SSBP2: variants seen among roughly 807,000 people sequenced by gnomAD.
SSBP2 encodes single-stranded DNA-binding protein 2.
SSBP2 carries 17 observed loss-of-function variants against 61.8 expected under a neutral mutation model. The ratio of observed to expected loss-of-function variants is 0.28; its 90% CI spans 0.19 to 0.41. The LOEUF (loss-of-function observed/expected upper bound fraction) is 0.41. SSBP2 is among the 10% of genes least tolerant of loss of function. The pLI, the probability that SSBP2 is intolerant of heterozygous loss-of-function variation, is 1.00. For missense variants in SSBP2, 310 were observed against 458.7 expected, an observed-to-expected ratio of 0.68 and a Z score of 2.96; for synonymous variants, 139 against 141.3, an observed-to-expected ratio of 0.98 and a Z score of 0.12.
chr5:81,543,362 T>A (rs1039977424), intron 4 of SSBP2, among the ~76,000 whole-genome samples: 1 of 152,226 alleles, frequency 6.6e-6, no homozygotes, highest in African/African-American at 2.4e-5. Flanking sequence ...GCAACATGGA[T>A]GCAGCTGGAG....
intron 5 of SSBP2, among the ~76,000 whole-genome samples, chr5:81,492,159 C>G (rs1766903251): frequency 6.6e-6 from 1 of 152,178 alleles, no homozygotes; most frequent in South Asian, 2.1e-4. Flanking sequence ...TATCTATTGA[C>G]AGACATGTCA....
intron 3 of SSBP2, among the ~76,000 whole-genome samples, chr5:81,630,728 T>G (rs1581208365): frequency 6.7e-6 from 1 of 150,102 alleles, no homozygotes; most frequent in African/African-American, 2.5e-5. Context: ...AAATGGCACA[T>G]TTAAAAGCTG....
intron 1 of SSBP2, among the ~76,000 whole-genome samples, chr5:81,675,622 T>C (rs1450128532): frequency 1.3e-5 from 2 of 152,212 alleles, no homozygotes; most frequent in African/African-American, 4.8e-5. Flanking sequence ...TTTTTTGTTA[T>C]ATGCAACCTA....
At chr5:81,492,808 A>G (rs1766959012) in intron 5 of SSBP2, among the ~76,000 whole-genome samples, 1 of 152,178 alleles carries the variant, frequency 6.6e-6, no homozygotes. Context: ...AGTTTTCTCA[A>G]CCTTAAAATG....
intron 1 of SSBP2, among the ~76,000 whole-genome samples, chr5:81,700,225 G>C (rs1036509716): frequency 2.0e-5 from 3 of 152,166 alleles, no homozygotes; most frequent in African/African-American, 7.2e-5. Context: ...TGTTGTATTA[G>C]TAGGCAGGGA....
At chr5:81,519,361 C>T (rs1250817910) in intron 4 of SSBP2, among the ~76,000 whole-genome samples, 2 of 152,108 alleles carry the variant, frequency 1.3e-5, no homozygotes, top group South Asian at 4.1e-4. Flanking sequence ...CATATATACA[C>T]TACTTTTACA....
chr5:81,693,821 T>C lies in SSBP2; in HGVS notation c.63-43482A>G, dbSNP rs1036168879. On this transcript the variant is annotated intron_variant, in intron 1 of 16. Coordinates refer to ENST00000320672, the MANE Select transcript of SSBP2 (RefSeq NM_012446.5). ...ACTACCATATGATCCAGCAATCCCA[T>C]TGCTAGGTATACACCCAAAAGAAAG... 1.3e-4 allele frequency among the ~76,000 whole-genome samples: 20 copies of C among 152,156 alleles called. 1 individual carries two copies. Among genetic ancestry groups the C allele is most frequent in the Non-Finnish European group, 8.8e-5 (6 of 68,012 alleles).
intron 8 of SSBP2, 131 bp from the exon 9 acceptor site, chr5:81,467,196 T>C (rs1485326574): frequency 3.8e-6 from 2 of 532,678 alleles, no homozygotes; most frequent in Non-Finnish European, 3.4e-6. Flanking sequence ...CATTCTTGTA[T>C]TTTTGCTTCT....
chr5:81,566,103 T>C (rs1215433005), intron 4 of SSBP2, among the ~76,000 whole-genome samples: 1 of 152,200 alleles, frequency 6.6e-6, no homozygotes. Context: ...CATAAAACTT[T>C]TGGATTATTT....
chr5:81,505,978 C>T (rs1768151370), intron 5 of SSBP2, among the ~76,000 whole-genome samples: 1 of 152,136 alleles, frequency 6.6e-6, no homozygotes, highest in Non-Finnish European at 1.5e-5. Context: ...TCTGTCCATC[C>T]AGTTACTGCT....
intron 4 of SSBP2, among the ~76,000 whole-genome samples, chr5:81,612,765 A>G (rs905057904): frequency 6.6e-6 from 1 of 152,032 alleles, no homozygotes; most frequent in Non-Finnish European, 1.5e-5. Context: ...TTAAATTATT[A>G]AAGTATTTTA....
chr5:81,678,334 A>T (rs903859392), intron 1 of SSBP2, among the ~76,000 whole-genome samples: 4 of 150,524 alleles, frequency 2.7e-5, no homozygotes, highest in Admixed American at 2.0e-4. Flanking sequence ...AAACTTGAGG[A>T]TATCTCAACA....
intron 1 of SSBP2, among the ~76,000 whole-genome samples, chr5:81,700,888 GT>G (rs1753935136): frequency 6.6e-6 from 1 of 152,170 alleles, no homozygotes; most frequent in Admixed American, 6.5e-5. Context: ...AGGGAATGTT[GT>G]GGCCATATCT....
chr5:81,751,206 G>A, upstream of SSBP2: 2 of 722,152 alleles, frequency 2.8e-6, no homozygotes, highest in South Asian at 3.5e-5. Context: ...AGACTGACAG[G>A]CCTCCCCCTC....
chr5:81,653,418 G>A (rs924786817), intron 1 of SSBP2, among the ~76,000 whole-genome samples: 3 of 152,158 alleles, frequency 2.0e-5, no homozygotes, highest in African/African-American at 7.2e-5. Flanking sequence ...ATGTGTGCAT[G>A]TGTCTTTTTA....
At chr5:81,437,626 C>T (rs999955447) in intron 14 of SSBP2, 168 bp from the exon 15 acceptor site, 24 of 495,846 alleles carry the variant, frequency 4.8e-5, no homozygotes, top group African/African-American at 4.6e-4. Context: ...TATAGTGAAT[C>T]AGTACCATCT....
intron 1 of SSBP2, among the ~76,000 whole-genome samples, chr5:81,674,273 T>TAAAC (rs1048732397): frequency 6.6e-6 from 1 of 152,168 alleles, no homozygotes; most frequent in African/African-American, 2.4e-5. Flanking sequence ...ACGTCAAAGT[T>TAAAC]AAACCTAAGG....
chr5:81,527,685 A>G (rs908962668), intron 4 of SSBP2, among the ~76,000 whole-genome samples: 2 of 151,944 alleles, frequency 1.3e-5, no homozygotes, highest in Non-Finnish European at 2.9e-5. Context: ...ATGTGTTCTA[A>G]TGAGAACACA....
chr5:81,471,778 T>G (rs931140550), intron 8 of SSBP2, among the ~76,000 whole-genome samples: 3 of 151,934 alleles, frequency 2.0e-5, no homozygotes, highest in Non-Finnish European at 2.9e-5. Flanking sequence ...CCACATATAT[T>G]TACGTGACAC....
Sources: gnomAD v4.1 joint callset for allele counts (sites outside exome capture counted in the v4.1 genomes callset) on GRCh38, gnomAD v4.1.1 for gene constraint, MANE v1.5 for transcripts, NCBI Gene and HGNC (gene_info 2026-07-23, HGNC 2026-07-21) for gene names.